ZGRF1: variants seen among roughly 807,000 people sequenced by gnomAD.
The protein encoded by ZGRF1 is zinc finger GRF-type containing 1, also known as 5'-3' DNA helicase ZGRF1.
A neutral mutation model predicts 203.5 loss-of-function variants in ZGRF1; 196 were observed. That is an observed-to-expected ratio of 0.96 (90% CI 0.86 to 1.08). The LOEUF (loss-of-function observed/expected upper bound fraction) is 1.08. Among genes scored for constraint, ZGRF1 ranks in the 50% least tolerant of loss-of-function variants. The pLI is 0.00. For missense variants in ZGRF1, 2,326 were observed against 2,416.3 expected (o/e 0.96, Z 0.78); for synonymous variants, 809 against 841.3 (o/e 0.96, Z 0.66).
intron 8 of ZGRF1, among the ~76,000 whole-genome samples, chr4:112,606,381 A>T (rs1750776997): frequency 6.6e-6 from 1 of 152,056 alleles, no homozygotes. Flanking sequence ...GCCAGGTATA[A>T]CTGGGTGCAG....
Position 112,617,463 on chromosome 4 carries a change from T to A in ZGRF1, c.2579A>T (p.Tyr860Phe). The A allele has an allele frequency of 6.4e-7, 1 of 1,563,048 alleles. No homozygotes were observed. Among genetic ancestry groups the A allele is most frequent in the Non-Finnish European group, 8.6e-7 (1 of 1,159,322 alleles). The change falls in exon 6 of 28, where the codon TAT becomes TTT. Residue 860 changes from tyrosine to phenylalanine, a missense_variant. Physicochemically the swap from Tyr to Phe is conservative, Grantham distance 22. Coordinates refer to ENST00000505019, the MANE Select transcript of ZGRF1 (RefSeq NM_018392.5). Reference protein sequence around the residue: ...TVFQQGTQQTYEPDSPPEVRK... With the variant: ...TVFQQGTQQTFEPDSPPEVRK... ...ACCTTCAGGAGGGCTATCTGGCTCA[T>A]ACGTCTGTTGAGTTCCTTGCTGAAA...
At chr4:112,616,540 A>G (rs2046878194) in intron 6 of ZGRF1, among the ~76,000 whole-genome samples, 1 of 148,430 alleles carries the variant, frequency 6.7e-6, no homozygotes, top group Non-Finnish European at 1.5e-5. Flanking sequence ...AAAAAAAAAA[A>G]GAAACACAAT....
chr4:112,558,867 A>T (rs1409610945), intron 19 of ZGRF1, among the ~76,000 whole-genome samples: 2 of 152,226 alleles, frequency 1.3e-5, no homozygotes, highest in African/African-American at 4.8e-5. Flanking sequence ...GGTAAGTAAT[A>T]TTATCTTGGA....
chr4:112,557,530 G>C (rs1287637809), intron 20 of ZGRF1, among the ~76,000 whole-genome samples: 2 of 152,144 alleles, frequency 1.3e-5, no homozygotes, highest in Non-Finnish European at 2.9e-5. Context: ...CAGAGACAAA[G>C]GACTTTTACT....
intron 21 of ZGRF1, 77 bp from the exon 22 acceptor site, chr4:112,554,059 T>G: frequency 7.5e-7 from 1 of 1,333,382 alleles, no homozygotes; most frequent in Non-Finnish European, 1.0e-6. Flanking sequence ...TAGATTTTCT[T>G]TTTTTTATTA....
At chr4:112,560,169 A>G (rs1220387017) in intron 19 of ZGRF1, among the ~76,000 whole-genome samples, 1 of 152,224 alleles carries the variant, frequency 6.6e-6, no homozygotes, top group Admixed American at 6.5e-5. Flanking sequence ...GAGGCAACAG[A>G]GTCCAGATAG....
intron 10 of ZGRF1, among the ~76,000 whole-genome samples, chr4:112,596,004 C>G (rs938467665): frequency 1.3e-5 from 2 of 152,262 alleles, no homozygotes; most frequent in African/African-American, 4.8e-5. Flanking sequence ...GTTTGTAGAT[C>G]TAATCATTTT....
At chr4:112,620,707 A>T (rs1384083151) in intron 4 of ZGRF1, among the ~76,000 whole-genome samples, 3 of 152,076 alleles carry the variant, frequency 2.0e-5, no homozygotes, top group Admixed American at 1.3e-4. Context: ...AAAAACTTTT[A>T]AAAAAATTAG....
intron 16 of ZGRF1, among the ~76,000 whole-genome samples, chr4:112,564,006 A>G (rs1203186810): frequency 6.6e-6 from 1 of 152,174 alleles, no homozygotes; most frequent in Non-Finnish European, 1.5e-5. Flanking sequence ...CAAAGTATGT[A>G]TTTGGCAGTG....
chr4:112,585,216 G>A (rs1176968619), intron 14 of ZGRF1, among the ~76,000 whole-genome samples: 1 of 152,118 alleles, frequency 6.6e-6, no homozygotes, highest in Non-Finnish European at 1.5e-5. Flanking sequence ...GCTGCAGTGA[G>A]CTATGATCAT....
chr4:112,631,301 C>T (rs1371250807), intron 3 of ZGRF1, among the ~76,000 whole-genome samples: 1 of 151,948 alleles, frequency 6.6e-6, no homozygotes, highest in Non-Finnish European at 1.5e-5. Context: ...GATGCCTGGC[C>T]TTATCATTTA....
At chr4:112,565,635 C>T (rs1742910946) in intron 16 of ZGRF1, among the ~76,000 whole-genome samples, 2 of 152,110 alleles carry the variant, frequency 1.3e-5, no homozygotes, top group Middle Eastern at 3.4e-3. Flanking sequence ...ACGATGAACT[C>T]CAACAAATTT....
chr4:112,587,542 A>T lies in ZGRF1; in HGVS notation c.3515T>A (p.Phe1172Tyr). The change falls in exon 12 of 28, where the codon TTT (phenylalanine) becomes TAT (tyrosine). Residue 1172 changes from phenylalanine (F) to tyrosine (Y), a missense_variant. By Grantham distance (22) the Phe-to-Tyr change is conservative. Coordinates refer to ENST00000505019, the MANE Select transcript of ZGRF1 (RefSeq NM_018392.5). ...ATGCATCCCAGAAACAGCCTCAGCA[A>T]AGAAGCCATCAGTTATTCTCTTATC... ...RVDKRITDGF[F>Y]AEAVSGMHFR... 6.2e-7 allele frequency: 1 copy of T among 1,613,930 alleles called. No individual in the cohort carries two copies. Among genetic ancestry groups the T allele is most frequent in the South Asian group, 1.1e-5 (1 of 91,082 alleles).
intron 23 of ZGRF1, 66 bp from the exon 24 acceptor site, chr4:112,547,474 C>G: frequency 6.8e-7 from 1 of 1,466,492 alleles, no homozygotes; most frequent in Non-Finnish European, 9.2e-7. Flanking sequence ...ATTTATTGCA[C>G]TGTTTGCCAA....
intron 9 of ZGRF1, among the ~76,000 whole-genome samples, chr4:112,604,371 T>C (rs1234248790): frequency 2.0e-5 from 3 of 152,184 alleles, no homozygotes; most frequent in Non-Finnish European, 4.4e-5. Flanking sequence ...CTATATATTA[T>C]ACAACTATGC....
At chr4:112,596,287 A>T (rs1186437464) in intron 10 of ZGRF1, among the ~76,000 whole-genome samples, 2 of 152,174 alleles carry the variant, frequency 1.3e-5, no homozygotes, top group Non-Finnish European at 2.9e-5. Context: ...ATCTAACCAA[A>T]GCACCTAGTA....
intron 22 of ZGRF1, among the ~76,000 whole-genome samples, chr4:112,551,821 A>C (rs1343346340): frequency 1.3e-5 from 2 of 149,374 alleles, no homozygotes; most frequent in African/African-American, 4.9e-5. Context: ...CAAAAACCTA[A>C]AGTATTAAGT....
chr4:112,560,927 T>A lies in ZGRF1; in HGVS notation c.4766A>T (p.Asn1589Ile). The change falls in exon 19 of 28, where the codon AAT (asparagine) becomes ATT (isoleucine). Residue 1589 changes from asparagine (N) to isoleucine (I), a missense_variant. Asn to Ile is a moderately radical substitution (Grantham distance 149). Transcript: ENST00000505019. The stretch of plus-strand genomic sequence containing the variant: ...GAGTAGTTCAAATTTTGTACTGACA[T>A]TTGTGAAGGCTGGTGGGATAAATTT... ...KRKFIPPAFT[N>I]VSTKFELLSL... The A allele has an allele frequency of 6.2e-7, 1 of 1,612,880 alleles. No homozygotes were observed.
At chr4:112,558,084 T>G in intron 20 of ZGRF1, 66 bp downstream of exon 20, 1 of 1,338,436 alleles carries the variant, frequency 7.5e-7, no homozygotes, top group Non-Finnish European at 1.0e-6. Context: ...TCAGGGCCCA[T>G]AGTGGGTTGC....
Sources: gnomAD v4.1 joint callset for allele counts (sites outside exome capture counted in the v4.1 genomes callset) on GRCh38, gnomAD v4.1.1 for gene constraint, MANE v1.5 for transcripts, NCBI Gene and HGNC (gene_info 2026-07-23, HGNC 2026-07-21) for gene names.